The following INPP5A variants were observed in gnomAD, a reference collection of about 807,000 sequenced individuals.
INPP5A encodes 43 kDa inositol polyphosphate 5-phophatase.
In INPP5A, 14 loss-of-function variants were observed where a neutral mutation model predicts 65.2. That is an observed-to-expected ratio of 0.21 (90% CI 0.14 to 0.34). The LOEUF is 0.34. INPP5A is among the 10% of genes least tolerant of loss of function. The probability of loss-of-function intolerance (pLI) is 1.00; values close to 1 mark genes in which losing one functional copy is unlikely to be tolerated. For synonymous variants in INPP5A, 207 were observed against 208.3 expected (o/e 0.99, Z 0.05); for missense variants, 431 against 545.6 (o/e 0.79, Z 2.09).
At chr10:132,576,281 C>T (rs1470872356) in intron 1 of INPP5A, among the ~76,000 whole-genome samples, 1 of 152,232 alleles carries the variant, frequency 6.6e-6, no homozygotes, top group East Asian at 1.9e-4. Context: ...TCTCTGTCTG[C>T]TTCCTGAGGC....
chr10:132,609,816 T>C (rs968687367), intron 2 of INPP5A, among the ~76,000 whole-genome samples: 14 of 152,118 alleles, frequency 9.2e-5, no homozygotes, highest in Admixed American at 8.5e-4. Context: ...GGCTAATTTT[T>C]GTATTTTTAG....
chr10:132,576,018 G>A (rs986889681), intron 1 of INPP5A, among the ~76,000 whole-genome samples: 12 of 152,168 alleles, frequency 7.9e-5, no homozygotes, highest in Admixed American at 2.6e-4. Flanking sequence ...CTCCACCACA[G>A]ATGCCACCTG....
At chr10:132,748,553 T>C (rs1244290060) in intron 9 of INPP5A, among the ~76,000 whole-genome samples, 1 of 152,230 alleles carries the variant, frequency 6.6e-6, no homozygotes, top group Non-Finnish European at 1.5e-5. Context: ...TCCAGCTCTC[T>C]TACCTTTAGG....
rs537609235 is a variant in INPP5A, at chr10:132,672,924, C to T, written c.307-17468C>T. 2.6e-5 allele frequency among the ~76,000 whole-genome samples: 4 copies of T among 152,290 alleles called. No individual in the cohort carries two copies. The South Asian group carries it at 8.3e-4, about 32-fold the overall frequency. ...CGTGGTTTTTTTCCTGGTGGAATGT[C>T]CCAAACCTTCATTCCTGAGGGGTCT... On this transcript the variant is annotated intron_variant, in intron 4 of 15. Coordinates refer to ENST00000368594, the MANE Select transcript of INPP5A (RefSeq NM_005539.5).
At chr10:132,737,378 T>C (rs2803992) in intron 9 of INPP5A, among the ~76,000 whole-genome samples, 38,074 of 152,074 alleles carry the variant, frequency 0.25, 4,896 homozygotes, top group African/African-American at 0.27. Flanking sequence ...ATCCTCCTGC[T>C]GCCGTGGGTT....
At chr10:132,759,189 G>T (rs1418597427) in intron 11 of INPP5A, among the ~76,000 whole-genome samples, 1 of 152,212 alleles carries the variant, frequency 6.6e-6, no homozygotes, top group Non-Finnish European at 1.5e-5. Context: ...AGAGCCCCCA[G>T]GGACCAACAG....
intron 7 of INPP5A, 130 bp from the exon 8 acceptor site, chr10:132,710,207 C>G: frequency 9.9e-7 from 1 of 1,007,116 alleles, no homozygotes; most frequent in Non-Finnish European, 1.4e-6. Flanking sequence ...GGACAGGTGC[C>G]CCGCCTCGGG....
chr10:132,568,232 AT>A, intron 1 of INPP5A, among the ~76,000 whole-genome samples: 1 of 150,904 alleles, frequency 6.6e-6, no homozygotes, highest in African/African-American at 2.4e-5. Context: ...AACACCAGAC[AT>A]TTTTCCTGGT....
intron 9 of INPP5A, among the ~76,000 whole-genome samples, chr10:132,744,978 G>A (rs1035292063): frequency 1.3e-5 from 2 of 152,288 alleles, no homozygotes; most frequent in South Asian, 2.1e-4. Flanking sequence ...GGCAGCTTGC[G>A]AGGCCCGGGC....
chr10:132,648,425 C>T (rs890842392), intron 3 of INPP5A, among the ~76,000 whole-genome samples: 6 of 152,372 alleles, frequency 3.9e-5, no homozygotes, highest in Admixed American at 2.0e-4. Flanking sequence ...AAGATTAAGA[C>T]GTGAGAGAAA....
chr10:132,692,390 A>G (rs944234922), intron 5 of INPP5A, among the ~76,000 whole-genome samples: 8 of 152,212 alleles, frequency 5.3e-5, no homozygotes, highest in African/African-American at 1.9e-4. Flanking sequence ...AATGGTTTAG[A>G]ACTTTCCAAA....
chr10:132,585,748 A>G (rs1433543149), intron 1 of INPP5A, among the ~76,000 whole-genome samples: 1 of 152,120 alleles, frequency 6.6e-6, no homozygotes, highest in African/African-American at 2.4e-5. Flanking sequence ...TTCTTTTTCC[A>G]CATCCTCTGC....
chr10:132,643,761 G>A (rs2050647), intron 2 of INPP5A, among the ~76,000 whole-genome samples: 58 of 152,252 alleles, frequency 3.8e-4, no homozygotes, highest in Non-Finnish European at 4.3e-4. Context: ...AGCCAGCGTC[G>A]GTTCCTGTGC....
At chr10:132,752,900 T>C (rs994789442) in intron 11 of INPP5A, among the ~76,000 whole-genome samples, 2 of 152,098 alleles carry the variant, frequency 1.3e-5, no homozygotes, top group Non-Finnish European at 2.9e-5. Context: ...ACTTTTGGAT[T>C]TGGTTCTGAA....
At position 132,617,439 on chromosome 10, in the gene INPP5A, C is replaced by T. The variant is rs73399393; in HGVS notation, c.117+9483C>T. 2.9e-3 allele frequency among the ~76,000 whole-genome samples: 446 copies of T among 152,324 alleles called. 2 individuals are homozygous for T. The highest frequency in any genetic ancestry group is 0.01 in the African/African-American group (427 of 41,568). On this transcript the variant is annotated intron_variant, in intron 2 of 15. Coordinates refer to ENST00000368594, the MANE Select transcript of INPP5A (RefSeq NM_005539.5). ...CCGTGGGCATGCTCACACTCACACA[C>T]GCTCACTGCCTGGGTGAGAGGCGGT...
At chr10:132,703,392 G>A (rs1348399572) in intron 6 of INPP5A, among the ~76,000 whole-genome samples, 2 of 151,880 alleles carry the variant, frequency 1.3e-5, no homozygotes, top group African/African-American at 4.8e-5. Context: ...ACTGGCCCTC[G>A]GCCATCTTCA....
intron 1 of INPP5A, among the ~76,000 whole-genome samples, chr10:132,599,493 CCT>C (rs1264800770): frequency 1.1e-4 from 16 of 152,202 alleles, no homozygotes; most frequent in Admixed American, 3.9e-4. Flanking sequence ...GTACAGCCTC[CCT>C]CTCGGCTGCT....
At chr10:132,658,714 C>T (rs969486284) in intron 4 of INPP5A, among the ~76,000 whole-genome samples, 2 of 152,028 alleles carry the variant, frequency 1.3e-5, no homozygotes, top group African/African-American at 2.4e-5. Context: ...CACGGATGCT[C>T]TAGGCCCTCT....
intron 2 of INPP5A, among the ~76,000 whole-genome samples, chr10:132,613,206 A>T (rs74564409): frequency 0.023 from 3,541 of 152,234 alleles, 48 homozygotes; most frequent in South Asian, 0.039. Context: ...GTTCTGAGCG[A>T]GGTGGTTCCT....
Sources: gnomAD v4.1 joint callset for allele counts (sites outside exome capture counted in the v4.1 genomes callset) on GRCh38, gnomAD v4.1.1 for gene constraint, MANE v1.5 for transcripts, NCBI Gene and HGNC (gene_info 2026-07-23, HGNC 2026-07-21) for gene names.